Variants in UNC5D observed in about 807,000 individuals in gnomAD.
The protein encoded by UNC5D is unc-5 netrin receptor D.
UNC5D carries 39 observed loss-of-function variants against 105.4 expected under a neutral mutation model. That is an observed-to-expected ratio of 0.37 (90% CI 0.29 to 0.48). UNC5D has a LOEUF of 0.48. UNC5D is among the 20% of genes least tolerant of loss of function. The pLI is 0.98. For synonymous variants in UNC5D, 452 were observed against 450.4 expected, an observed-to-expected ratio of 1.00 and a Z score of -0.04; for missense variants, 991 against 1,202.4, an observed-to-expected ratio of 0.82 and a Z score of 2.60.
intron 1 of UNC5D, among the ~76,000 whole-genome samples, chr8:35,296,925 G>T (rs903237718): frequency 6.6e-6 from 1 of 152,126 alleles, no homozygotes; most frequent in Non-Finnish European, 1.5e-5. Flanking sequence ...ATGCCAATTT[G>T]CAATATTTAA....
At chr8:35,725,922 T>TGAAA (rs1828835611) in intron 9 of UNC5D, among the ~76,000 whole-genome samples, 1 of 151,990 alleles carries the variant, frequency 6.6e-6, no homozygotes, top group African/African-American at 2.4e-5. Flanking sequence ...CTCTGGAAAG[T>TGAAA]GAAAGATTTG....
intron 3 of UNC5D, among the ~76,000 whole-genome samples, chr8:35,585,056 T>G (rs1818697120): frequency 6.6e-6 from 1 of 152,326 alleles, no homozygotes; most frequent in East Asian, 1.9e-4. Flanking sequence ...CTGTCTCTAC[T>G]CAGCATAATA....
At chr8:35,311,378 A>T (rs1808871289) in intron 1 of UNC5D, among the ~76,000 whole-genome samples, 1 of 152,130 alleles carries the variant, frequency 6.6e-6, no homozygotes, top group Non-Finnish European at 1.5e-5. Context: ...TAGTAGTCAA[A>T]AGTTCAGGCT....
chr8:35,327,261 A>G (rs372936309), intron 1 of UNC5D, among the ~76,000 whole-genome samples: 13 of 152,302 alleles, frequency 8.5e-5, no homozygotes, highest in African/African-American at 3.1e-4. Context: ...GCAACTATGT[A>G]AATTATATCA....
At chr8:35,352,275 G>A (rs1018260604) in intron 1 of UNC5D, among the ~76,000 whole-genome samples, 24 of 151,906 alleles carry the variant, frequency 1.6e-4, no homozygotes, top group African/African-American at 1.4e-4. Flanking sequence ...CATGTTCACC[G>A]AAATTAAACA....
At chr8:35,599,849 C>T (rs772940110) in intron 4 of UNC5D, among the ~76,000 whole-genome samples, 10 of 152,162 alleles carry the variant, frequency 6.6e-5, no homozygotes, top group African/African-American at 9.6e-5. Flanking sequence ...ATGTGCACAA[C>T]GTGCAGGTTA....
At chr8:35,525,706 A>G in intron 1 of UNC5D, 1 of 1,596,136 alleles carries the variant, frequency 6.3e-7, no homozygotes, top group East Asian at 2.3e-5. Flanking sequence ...TGCTCCTGGC[A>G]CGTCCGGCAC....
intron 1 of UNC5D, among the ~76,000 whole-genome samples, chr8:35,467,981 T>C (rs1397543217): frequency 6.6e-6 from 1 of 152,212 alleles, no homozygotes; most frequent in African/African-American, 2.4e-5. Flanking sequence ...CTTTTATGAA[T>C]TCTTTAAGAT....
Position 35,286,206 on chromosome 8 carries a change from C to T in UNC5D, c.103+50319C>T, listed in dbSNP as rs914703689. ...ACTTTAAGAAAGTGTGACCATTTTC[C>T]CAGAGTGACACCAACAAGATGGTGG... On this transcript the variant is annotated intron_variant, in intron 1 of 16. Transcript: ENST00000404895. 1.3e-5 allele frequency among the ~76,000 whole-genome samples: 2 copies of T among 152,164 alleles called. 1 individual carries two copies. Among genetic ancestry groups the T allele is most frequent in the South Asian group, 4.1e-4 (2 of 4,820 alleles).
chr8:35,612,438 G>A (rs1396209279), intron 4 of UNC5D, among the ~76,000 whole-genome samples: 2 of 152,084 alleles, frequency 1.3e-5, no homozygotes, highest in African/African-American at 4.8e-5. Context: ...GGGGAAAGGA[G>A]ATCATTTTCC....
At chr8:35,277,869 G>T (rs1190522573) in intron 1 of UNC5D, among the ~76,000 whole-genome samples, 2 of 152,126 alleles carry the variant, frequency 1.3e-5, no homozygotes, top group Non-Finnish European at 2.9e-5. Context: ...AATTACAGTG[G>T]GTTCTTTCAG....
chr8:35,495,645 T>A (rs1379580762), intron 1 of UNC5D, among the ~76,000 whole-genome samples: 1 of 152,052 alleles, frequency 6.6e-6, no homozygotes, highest in East Asian at 1.9e-4. Flanking sequence ...ATATTTCCAT[T>A]CTGGTGCCCC....
At chr8:35,566,644 T>G (rs1365665306) in intron 2 of UNC5D, among the ~76,000 whole-genome samples, 7 of 152,092 alleles carry the variant, frequency 4.6e-5, no homozygotes. Flanking sequence ...TGTGGACAAA[T>G]GACGTAGCCT....
intron 1 of UNC5D, among the ~76,000 whole-genome samples, chr8:35,346,460 C>T (rs554268036): frequency 3.3e-5 from 5 of 151,808 alleles, no homozygotes; most frequent in South Asian, 2.1e-4. Flanking sequence ...TTGCACAGTC[C>T]GTATGTGAAC....
chr8:35,761,884 GTAGAACA>G lies in UNC5D; in HGVS notation c.2313+2417_2313+2423del, dbSNP rs1300262667. Among the ~76,000 whole-genome samples, 22 of 152,296 alleles carry G rather than the reference GTAGAACA, an allele frequency of 1.4e-4. No individual in the cohort carries two copies. The East Asian group carries it at 4.3e-3, about 29-fold the overall frequency. Reference sequence around the variant, plus strand: ...TGTGTTCAGCCTACTTGAACCTCATGTAGAACATCATGTGCACTGACAAACTTGGCAT... The same window carrying G: ...TGTGTTCAGCCTACTTGAACCTCATGTCATGTGCACTGACAAACTTGGCAT... On this transcript the variant is annotated intron_variant, in intron 14 of 16. Coordinates refer to ENST00000404895, the MANE Select transcript of UNC5D (RefSeq NM_080872.4).
At chr8:35,516,580 T>C (rs1376082505) in intron 1 of UNC5D, among the ~76,000 whole-genome samples, 1 of 152,206 alleles carries the variant, frequency 6.6e-6, no homozygotes, top group Non-Finnish European at 1.5e-5. Context: ...CTGGATTTGC[T>C]CAAGACGTAG....
intron 15 of UNC5D, among the ~76,000 whole-genome samples, chr8:35,771,758 A>G (rs1044586027): frequency 1.3e-5 from 2 of 152,172 alleles, no homozygotes; most frequent in Admixed American, 1.3e-4. Flanking sequence ...TTCCTTAACC[A>G]CCCAGCACTG....
chr8:35,708,408 T>C (rs962530010), intron 8 of UNC5D, among the ~76,000 whole-genome samples: 1 of 152,264 alleles, frequency 6.6e-6, no homozygotes, highest in African/African-American at 2.4e-5. Flanking sequence ...TTTCTGCTTC[T>C]GCACATCTTA....
chr8:35,722,369 C>G lies in UNC5D; in HGVS notation c.1277C>G (p.Thr426Ser), dbSNP rs1164490456. 1 of 1,613,894 alleles carries G rather than the reference C, an allele frequency of 6.2e-7. No individual in the cohort carries two copies. Among genetic ancestry groups the G allele is most frequent in the African/African-American group, 1.3e-5 (1 of 74,908 alleles). ...DSSALTGGFQ[T>S]FNFKTVRQGN... ...TCTGCATTGACAGGTGGCTTCCAGA[C>G]CTTCAACTTCAAAACAGTCCGTCAA... Residue 426 changes from threonine (T) to serine (S), a missense_variant, in exon 9 of 17, where the codon ACC (threonine) becomes AGC (serine). Around this residue, in one of 3 missense-constraint regions of UNC5D, gnomAD observed 944 missense variants for 1,131.6 expected, o/e 0.83. Transcript: ENST00000404895.
Sources: allele counts gnomAD v4.1 joint callset (sites outside exome capture counted in the v4.1 genomes callset), GRCh38; gene constraint gnomAD v4.1.1; regional missense constraint gnomAD v4.1.1; transcripts MANE v1.5; gene names NCBI Gene and HGNC (gene_info 2026-07-23, HGNC 2026-07-21).